Variants in SLC22A24 observed in about 807,000 individuals in gnomAD.
SLC22A24 encodes the protein steroid transmembrane transporter SLC22A24.
In SLC22A24, 53 loss-of-function variants were observed where a neutral mutation model predicts 49.8. That is an observed-to-expected ratio of 1.06 (90% CI 0.85 to 1.34). The LOEUF (loss-of-function observed/expected upper bound fraction) is 1.34. Among genes scored for constraint, SLC22A24 ranks in the 40% most tolerant of loss-of-function variants. SLC22A24 has a pLI of 0.00. For synonymous variants in SLC22A24, 302 were observed against 256.4 expected (o/e 1.18, Z -1.70); for missense variants, 786 against 675.9 (o/e 1.16, Z -1.81).
At chr11:63,133,835 G>T (rs367742988) in intron 2 of SLC22A24, among the ~76,000 whole-genome samples, 1 of 151,976 alleles carries the variant, frequency 6.6e-6, no homozygotes, top group East Asian at 1.9e-4. Context: ...AGTAGAGATG[G>T]GGTTTCACAG....
At chr11:63,106,082 T>G (rs12805440) in intron 4 of SLC22A24, among the ~76,000 whole-genome samples, 1 of 45,978 alleles carries the variant, frequency 2.2e-5, no homozygotes, top group Non-Finnish European at 4.3e-5. Context: ...CCCTCCCCCC[T>G]CCCCCCACCC....
intron 2 of SLC22A24, among the ~76,000 whole-genome samples, chr11:63,127,674 G>A (rs2155330): frequency 0.8 from 120,956 of 152,084 alleles, 49,187 homozygotes; most frequent in East Asian, 0.9. Context: ...TGCCATTCTA[G>A]CTGGTGTGAG....
rs550310442 is a variant in SLC22A24, at chr11:63,110,394, G to A, written c.831-6096C>T. Among the ~76,000 whole-genome samples the A allele has an allele frequency of 2.9e-3, 435 of 152,078 alleles. 2 individuals carry two copies. Among genetic ancestry groups the A allele is most frequent in the African/African-American group, 0.01 (418 of 41,486 alleles). ...TTCCAATTGTGTGAAGAAAGTCATT[G>A]GTAGCTTGATGGGGATGGCATTGAA... On this transcript the variant is annotated intron_variant, in intron 4 of 9. Coordinates refer to ENST00000612278, the MANE Select transcript of SLC22A24 (RefSeq NM_001136506.2).
chr11:63,108,098 G>A (rs540290124), intron 4 of SLC22A24, among the ~76,000 whole-genome samples: 21 of 152,216 alleles, frequency 1.4e-4, no homozygotes, highest in African/African-American at 4.6e-4. Context: ...ATTATTTTGA[G>A]ATACATCCCA....
At chr11:63,117,792 T>G (rs532284163) in intron 4 of SLC22A24, among the ~76,000 whole-genome samples, 1 of 152,338 alleles carries the variant, frequency 6.6e-6, no homozygotes, top group Non-Finnish European at 1.5e-5. Flanking sequence ...TATGTTATTG[T>G]TAAGGCTGCC....
intron 2 of SLC22A24, among the ~76,000 whole-genome samples, chr11:63,127,407 T>A (rs1001778291): frequency 3.9e-5 from 6 of 152,322 alleles, no homozygotes; most frequent in African/African-American, 1.4e-4. Flanking sequence ...GTTCCAAGTC[T>A]TTGCTATTGT....
At chr11:63,135,630 A>G (rs2087368531) in intron 1 of SLC22A24, among the ~76,000 whole-genome samples, 1 of 152,186 alleles carries the variant, frequency 6.6e-6, no homozygotes, top group Non-Finnish European at 1.5e-5. Flanking sequence ...TGCAATGGAC[A>G]TTTCTCGCTT....
At chr11:63,083,037 A>C (rs2086968195) in intron 7 of SLC22A24, among the ~76,000 whole-genome samples, 1 of 151,884 alleles carries the variant, frequency 6.6e-6, no homozygotes. Flanking sequence ...TGTCTGAACC[A>C]TCACGGCTGA....
At chr11:63,139,569 A>G (rs2087399882) in intron 1 of SLC22A24, among the ~76,000 whole-genome samples, 2 of 152,032 alleles carry the variant, frequency 1.3e-5, no homozygotes, top group African/African-American at 4.8e-5. Context: ...AACATCCCCA[A>G]CCCCCAATGA....
At chr11:63,120,499 T>G (rs1283837549) in intron 2 of SLC22A24, among the ~76,000 whole-genome samples, 1 of 151,918 alleles carries the variant, frequency 6.6e-6, no homozygotes, top group Non-Finnish European at 1.5e-5. Context: ...TCAGCAACTG[T>G]TCCCCTCAGT....
At chr11:63,081,855 C>T (rs2086962165) in intron 7 of SLC22A24, among the ~76,000 whole-genome samples, 189 bp from the exon 8 acceptor site, 1 of 152,176 alleles carries the variant, frequency 6.6e-6, no homozygotes, top group African/African-American at 2.4e-5. Flanking sequence ...AGGGCTTAAA[C>T]ATTGAATAAA....
intron 5 of SLC22A24, 79 bp from the exon 6 acceptor site, chr11:63,096,185 A>T (rs1590732209): frequency 1.1e-6 from 1 of 888,866 alleles, no homozygotes; most frequent in East Asian, 2.7e-5. Context: ...CTAGAGAACA[A>T]GATAGACATA....
intron 4 of SLC22A24, among the ~76,000 whole-genome samples, chr11:63,110,124 T>C (rs1344318212): frequency 6.6e-6 from 1 of 151,664 alleles, no homozygotes; most frequent in Non-Finnish European, 1.5e-5. Flanking sequence ...CCATTGCTTG[T>C]TTTTGTCAGG....
At position 63,090,663 on chromosome 11, in the gene SLC22A24, C is replaced by CAATCAATAAATAAATA. The variant is rs142116750; in HGVS notation, c.1070+5327_1070+5328insTATTTATTTATTGATT. Among the ~76,000 whole-genome samples, 3 of 137,992 alleles carry CAATCAATAAATAAATA rather than the reference C, an allele frequency of 2.2e-5. No individual in the cohort carries two copies. In the East Asian group the frequency reaches 6.3e-4, roughly 29 times the overall value. 90.5% of individuals were successfully genotyped at this position (137,992 alleles called of 152,430 possible). A position where few individuals can be genotyped will look rare whatever the true frequency, so the allele number is the denominator to read the frequency against. The stretch of plus-strand genomic sequence containing the variant: ...GTTCTTTGCCCCAGAACTTAAAGTA[C>CAATCAATAAATAAATA]AATAAATAAATAAATAAATAAATAA... On this transcript the variant is annotated intron_variant, in intron 6 of 9. Coordinates refer to ENST00000612278, the MANE Select transcript of SLC22A24 (RefSeq NM_001136506.2).
At chr11:63,122,547 G>C (rs935983858) in intron 2 of SLC22A24, among the ~76,000 whole-genome samples, 3 of 152,112 alleles carry the variant, frequency 2.0e-5, no homozygotes, top group African/African-American at 7.2e-5. Flanking sequence ...ATGGAGTCTT[G>C]CTCTGCCACC....
At chr11:63,136,282 G>A (rs533698182) in intron 1 of SLC22A24, among the ~76,000 whole-genome samples, 32 of 152,248 alleles carry the variant, frequency 2.1e-4, no homozygotes, top group African/African-American at 6.5e-4. Flanking sequence ...GTTGTCTGTC[G>A]CTGGTCTGAT....
intron 2 of SLC22A24, among the ~76,000 whole-genome samples, chr11:63,121,701 A>G (rs1310182125): frequency 6.6e-6 from 1 of 151,914 alleles, no homozygotes; most frequent in African/African-American, 2.4e-5. Context: ...GGTTAGTTAC[A>G]TATGTATACA....
At chr11:63,105,125 C>T (rs1475598438) in intron 4 of SLC22A24, among the ~76,000 whole-genome samples, 9 of 152,156 alleles carry the variant, frequency 5.9e-5, no homozygotes, top group Admixed American at 2.6e-4. Flanking sequence ...CAGGTCATGC[C>T]GATGCAAGGG....
At chr11:63,119,780 A>G (rs928577319) in intron 2 of SLC22A24, among the ~76,000 whole-genome samples, 4 of 152,314 alleles carry the variant, frequency 2.6e-5, no homozygotes, top group African/African-American at 9.6e-5. Context: ...GAGTGGAAAG[A>G]CAATAAATCA....
Sources: allele counts gnomAD v4.1 joint callset (sites outside exome capture counted in the v4.1 genomes callset), GRCh38; gene constraint gnomAD v4.1.1; transcripts MANE v1.5; gene names NCBI Gene and HGNC (gene_info 2026-07-23, HGNC 2026-07-21).